RIT2: variants seen among roughly 807,000 people sequenced by gnomAD.
RIT2 encodes the protein GTP-binding protein Rit2.
Under a neutral mutation model 23.7 loss-of-function variants are expected in RIT2, and 24 were observed. The observed-to-expected ratio is 1.01, with a 90% confidence interval of 0.73 to 1.43. The LOEUF is 1.43. Among genes scored for constraint, RIT2 ranks in the 40% most tolerant of loss-of-function variants. The pLI is 0.00. For missense variants in RIT2, 236 were observed against 266.9 expected, an observed-to-expected ratio of 0.88 and a Z score of 0.81; for synonymous variants, 107 against 91.1, an observed-to-expected ratio of 1.17 and a Z score of -0.99.
intron 4 of RIT2, among the ~76,000 whole-genome samples, chr18:42,796,739 CT>C (rs1246736666): frequency 3.3e-5 from 5 of 152,172 alleles, no homozygotes; most frequent in African/African-American, 1.2e-4. Context: ...CTGAATAAAT[CT>C]GATTTTACCA....
intron 2 of RIT2, among the ~76,000 whole-genome samples, chr18:42,999,388 C>T (rs1026146843): frequency 9.9e-5 from 15 of 152,112 alleles, no homozygotes; most frequent in African/African-American, 3.6e-4. Flanking sequence ...CCTTAAACTG[C>T]AATGTGAAAG....
intron 4 of RIT2, among the ~76,000 whole-genome samples, chr18:42,882,215 G>T (rs1598698033): frequency 6.6e-6 from 1 of 152,180 alleles, no homozygotes; most frequent in African/African-American, 2.4e-5. Context: ...AAGCACTGAA[G>T]ATATCAAATT....
chr18:42,927,742 A>T (rs1909219115), intron 3 of RIT2, among the ~76,000 whole-genome samples: 1 of 152,076 alleles, frequency 6.6e-6, no homozygotes, highest in Non-Finnish European at 1.5e-5. Context: ...TGCTACAAAT[A>T]TAAGCATTTC....
intron 4 of RIT2, among the ~76,000 whole-genome samples, chr18:42,818,663 A>G (rs1906063356): frequency 6.6e-6 from 1 of 152,062 alleles, no homozygotes; most frequent in African/African-American, 2.4e-5. Flanking sequence ...TGAGCATGAA[A>G]TACTGTACGC....
intron 1 of RIT2, among the ~76,000 whole-genome samples, chr18:43,040,597 TA>T (rs1487095684): frequency 6.6e-6 from 1 of 151,976 alleles, no homozygotes; most frequent in African/African-American, 2.4e-5. Flanking sequence ...GAATGTTAAG[TA>T]AAAAAAGTGC....
intron 1 of RIT2, among the ~76,000 whole-genome samples, chr18:43,098,206 T>C (rs984679640): frequency 2.0e-5 from 3 of 151,954 alleles, no homozygotes; most frequent in Non-Finnish European, 2.9e-5. Flanking sequence ...ACTTGCAGTG[T>C]TGGAAGTTGT....
chr18:42,816,043 A>G (rs902219745), intron 4 of RIT2, among the ~76,000 whole-genome samples: 73 of 152,106 alleles, frequency 4.8e-4, no homozygotes, highest in African/African-American at 1.5e-3. Flanking sequence ...GAACCGCCTC[A>G]ACTTTGATCT....
intron 1 of RIT2, among the ~76,000 whole-genome samples, chr18:43,065,211 T>G (rs1912742057): frequency 7.0e-6 from 1 of 141,954 alleles, no homozygotes; most frequent in Non-Finnish European, 1.5e-5. Context: ...CACTTTCACT[T>G]TTTTGGGTTT....
chr18:42,890,491 AGGAG>A (rs907417492), intron 4 of RIT2, among the ~76,000 whole-genome samples: 33 of 140,450 alleles, frequency 2.3e-4, no homozygotes, highest in Admixed American at 4.2e-4. Context: ...GAGGGAGTCA[AGGAG>A]GGAGGGAGGG....
chr18:42,900,494 A>G (rs190233509), intron 4 of RIT2, among the ~76,000 whole-genome samples: 1 of 152,170 alleles, frequency 6.6e-6, no homozygotes, highest in African/African-American at 2.4e-5. Context: ...ATGCCTTTTT[A>G]AAAAAGAGAG....
chr18:42,933,449 T>C (rs1909376556), intron 3 of RIT2, among the ~76,000 whole-genome samples: 2 of 152,120 alleles, frequency 1.3e-5, no homozygotes, highest in South Asian at 2.1e-4. Context: ...CATCTTAAAT[T>C]GTAGTTCCCA....
chr18:42,842,150 TTGC>T (rs1400908279), intron 4 of RIT2, among the ~76,000 whole-genome samples: 10 of 152,202 alleles, frequency 6.6e-5, no homozygotes, highest in African/African-American at 2.4e-4. Flanking sequence ...TTTAATGTCT[TTGC>T]CAGGTTCACC....
At chr18:42,857,924 T>C (rs1421449288) in intron 4 of RIT2, among the ~76,000 whole-genome samples, 4 of 152,178 alleles carry the variant, frequency 2.6e-5, no homozygotes, top group African/African-American at 4.8e-5. Context: ...CTCATGCCTG[T>C]AATCCCAGCA....
At chr18:42,994,963 G>A (rs1392539914) in intron 2 of RIT2, among the ~76,000 whole-genome samples, 4 of 151,826 alleles carry the variant, frequency 2.6e-5, no homozygotes, top group African/African-American at 7.3e-5. Flanking sequence ...ACATTATTCC[G>A]GATACCACAC....
At chr18:42,830,163 C>G (rs1041532554) in intron 4 of RIT2, among the ~76,000 whole-genome samples, 1 of 152,182 alleles carries the variant, frequency 6.6e-6, no homozygotes, top group Non-Finnish European at 1.5e-5. Context: ...AACTAGCCAG[C>G]TGTACACACT....
At chr18:42,808,640 G>T (rs1332595854) in intron 4 of RIT2, among the ~76,000 whole-genome samples, 1 of 151,858 alleles carries the variant, frequency 6.6e-6, no homozygotes, top group Non-Finnish European at 1.5e-5. Flanking sequence ...TTAAAAGTTT[G>T]ATTAAACTGA....
At position 42,923,682 on chromosome 18, in the gene RIT2, A is replaced by G; in HGVS notation, c.316T>C (p.Ser106Pro). The change falls in exon 4 of 5, where the codon TCA becomes CCA. Residue 106 changes from serine (S) to proline (P), a missense_variant. Transcript: ENST00000326695. Reference protein sequence around the residue: ...IICYSVTDRQSFQEAAKFKEL... With the variant: ...IICYSVTDRQPFQEAAKFKEL... ...TTAAACTTGGCAGCCTCCTGAAATG[A>G]TTGACGGTCAGTGACGGAGTAGCAG... is the stretch of plus-strand genomic sequence containing the variant. 6.2e-7 allele frequency: 1 copy of G among 1,613,174 alleles called. No individual in the cohort carries two copies. The highest frequency in any genetic ancestry group is 8.5e-7 in the Non-Finnish European group (1 of 1,179,634).
rs114349936 is a variant in RIT2 at position 43,080,340 on chromosome 18, A to T, written c.103+35077T>A. ...TCTCCAACGTAAAACTTATCTGATT[A>T]GTGACAGATAAAGGAGTTGTATCTG... On this transcript the variant is annotated intron_variant, in intron 1 of 4. Transcript: ENST00000326695. 4.6e-3 allele frequency among the ~76,000 whole-genome samples: 698 copies of T among 152,358 alleles called. 6 individuals carry two copies. Among genetic ancestry groups the T allele is most frequent in the African/African-American group, 0.016 (667 of 41,578 alleles).
chr18:43,009,293 C>T (rs1252481137), intron 2 of RIT2, among the ~76,000 whole-genome samples: 2 of 151,378 alleles, frequency 1.3e-5, no homozygotes, highest in African/African-American at 4.8e-5. Flanking sequence ...GAAAATAATA[C>T]AAGAAATGTG....
Sources: allele counts gnomAD v4.1 joint callset (sites outside exome capture counted in the v4.1 genomes callset), GRCh38; gene constraint gnomAD v4.1.1; transcripts MANE v1.5; gene names NCBI Gene and HGNC (gene_info 2026-07-23, HGNC 2026-07-21).